Variants in MOV10L1 observed in about 807,000 individuals in gnomAD.
MOV10L1 encodes the protein Mov10 like RNA helicase 1.
Under a neutral mutation model 143.8 loss-of-function variants are expected in MOV10L1, and 110 were observed. The observed-to-expected ratio is 0.76, with a 90% CI of 0.66 to 0.90. The LOEUF is 0.90. Ranked by LOEUF, MOV10L1 falls within the 40% of genes least tolerant of loss-of-function variation. MOV10L1 has a pLI of 0.00. For synonymous variants in MOV10L1, 593 were observed against 581.1 expected (o/e 1.02, Z -0.29); for missense variants, 1,406 against 1,526.8 (o/e 0.92, Z 1.32).
intron 10 of MOV10L1, among the ~76,000 whole-genome samples, chr22:50,123,161 G>A (rs9617032): frequency 0.24 from 33,759 of 142,920 alleles, 4,168 homozygotes; most frequent in Admixed American, 0.38. Flanking sequence ...GCACCATTGC[G>A]CTCCAGCCTT....
intron 9 of MOV10L1, 96 bp from the exon 10 acceptor site, chr22:50,120,406 G>A: frequency 1.3e-6 from 1 of 766,114 alleles, no homozygotes; most frequent in Non-Finnish European, 2.2e-6. Context: ...GATGGACTTT[G>A]GTCTTCCTAA....
At chr22:50,144,877 G>C (rs759744407) in intron 18 of MOV10L1, among the ~76,000 whole-genome samples, 1 of 151,950 alleles carries the variant, frequency 6.6e-6, no homozygotes, top group Non-Finnish European at 1.5e-5. Flanking sequence ...CACCGTGCCC[G>C]GCCTGGTTTG....
intron 13 of MOV10L1, among the ~76,000 whole-genome samples, chr22:50,131,198 A>G (rs568104551): frequency 1.6e-4 from 24 of 151,830 alleles, no homozygotes; most frequent in Admixed American, 4.6e-4. Context: ...GTGGGCCACC[A>G]CACCCGGCCA....
At chr22:50,107,634 C>T (rs1016587047) in intron 3 of MOV10L1, among the ~76,000 whole-genome samples, 20 of 152,196 alleles carry the variant, frequency 1.3e-4, no homozygotes, top group African/African-American at 4.8e-4. Context: ...TGCAGTTTTC[C>T]ACCAGCTGCG....
chr22:50,140,595 T>TAA (rs2062955275), intron 15 of MOV10L1, among the ~76,000 whole-genome samples: 2 of 152,230 alleles, frequency 1.3e-5, no homozygotes, highest in Non-Finnish European at 2.9e-5. Context: ...CTTATAGTGT[T>TAA]TTAAAAAGTT....
Position 50,145,934 on chromosome 22 carries a change from T to G in MOV10L1, c.2627+124T>G, listed in dbSNP as rs922100395. 5.6e-6 allele frequency: 8 copies of G among 1,441,286 alleles called. No homozygotes were observed. In the Admixed American group the frequency reaches 1.4e-4, roughly 24 times the overall value. The allele number at this position is 1,441,286 out of a possible 1,614,324, so 89.3% of individuals were successfully genotyped here. A position where few individuals can be genotyped will look rare whatever the true frequency, so the allele number is the denominator to read the frequency against. On this transcript the variant is annotated intron_variant, in intron 19 of 26. Transcript: ENST00000262794. ...GTGCTCAGGGAGGGAGGCAGGGCTG[T>G]GGGCGAGAAAGGCTGGTTGGGGAGG...
At chr22:50,143,997 T>TGAGTCCCTGCACCC (rs2063064292) in intron 17 of MOV10L1, 100 bp from the exon 18 acceptor site, 2 of 1,463,946 alleles carry the variant, frequency 1.4e-6, no homozygotes, top group Non-Finnish European at 1.9e-6. Context: ...CCCATGCAGC[T>TGAGTCCCTGCACCC]GAGTCCCTGC....
intron 13 of MOV10L1, among the ~76,000 whole-genome samples, chr22:50,132,152 A>G (rs764056944): frequency 6.6e-6 from 1 of 152,160 alleles, no homozygotes; most frequent in Non-Finnish European, 1.5e-5. Context: ...GTAACATCAC[A>G]TTGGGGATGA....
intron 17 of MOV10L1, 153 bp downstream of exon 17, chr22:50,143,374 T>G: frequency 1.1e-6 from 1 of 900,106 alleles, no homozygotes; most frequent in Non-Finnish European, 1.8e-6. Flanking sequence ...TCTGTTTTTG[T>G]GGATATGTAG....
rs2063337017 is a variant in MOV10L1, at chr22:50,152,978, T to C, written c.2893-67T>C. 6.7e-7 allele frequency: 1 copy of C among 1,496,738 alleles called. No individual in the cohort carries two copies. 92.7% of individuals were successfully genotyped at this position (1,496,738 alleles called of 1,614,324 possible). On this transcript the variant is annotated intron_variant, in intron 21 of 26. Transcript: ENST00000262794. This position sits in a 1 kb window ranked among gnomAD's most constrained non-coding sequence, Gnocchi z 4.4. The stretch of plus-strand genomic sequence containing the variant: ...CCTCACGTTTGCTGTGCAGAGCCGC[T>C]TTTCGTTCGACAGAAACTGTGCCGG...
chr22:50,161,135 C>A, intron 26 of MOV10L1, 80 bp downstream of exon 26: 2 of 1,412,604 alleles, frequency 1.4e-6, no homozygotes, highest in Non-Finnish European at 2.0e-6. Context: ...CTCCCCTCAC[C>A]CCCATCCACT....
chr22:50,148,452 C>A (rs891414692), intron 19 of MOV10L1, among the ~76,000 whole-genome samples: 2 of 152,170 alleles, frequency 1.3e-5, no homozygotes, highest in Non-Finnish European at 2.9e-5. Flanking sequence ...CTTCTCCTGA[C>A]GACTCCTTCC....
At chr22:50,097,697 A>G (rs974187148) in intron 2 of MOV10L1, among the ~76,000 whole-genome samples, 9 of 152,136 alleles carry the variant, frequency 5.9e-5, no homozygotes, top group African/African-American at 2.2e-4. Flanking sequence ...GAAACCTTCA[A>G]TTTTGTTACT....
At chr22:50,095,061 C>T (rs1158395456) in intron 2 of MOV10L1, 3 of 152,148 alleles carry the variant, frequency 2.0e-5, no homozygotes, top group East Asian at 1.9e-4. Flanking sequence ...AAAAGTGTTT[C>T]CTCAGTTTCC....
intron 13 of MOV10L1, among the ~76,000 whole-genome samples, chr22:50,132,763 G>A (rs1487912843): frequency 1.3e-5 from 2 of 152,164 alleles, no homozygotes; most frequent in Non-Finnish European, 2.9e-5. Context: ...GGTTGGGTGT[G>A]GTGGTTCACA....
At chr22:50,137,271 C>G (rs2062845953) in intron 15 of MOV10L1, among the ~76,000 whole-genome samples, 1 of 151,858 alleles carries the variant, frequency 6.6e-6, no homozygotes, top group African/African-American at 2.4e-5. Flanking sequence ...TCCATGTGTT[C>G]AAGAAAGTAG....
Position 50,126,288 on chromosome 22 carries a change from CTT to C in MOV10L1, c.1818+17_1818+18del, listed in dbSNP as rs1569301129. 6.3e-7 allele frequency: 1 copy of C among 1,596,012 alleles called. No individual in the cohort carries two copies. Among genetic ancestry groups the C allele is most frequent in the East Asian group, 2.2e-5 (1 of 44,746 alleles). On this transcript the variant is annotated intron_variant, in intron 12 of 26. Coordinates refer to ENST00000262794, the MANE Select transcript of MOV10L1 (RefSeq NM_018995.3). The stretch of plus-strand genomic sequence containing the variant: ...CGTGACTGAGGTGAGAGCACTCTCT[CTT>C]AATGAGTTTGTGTTAGACACACCCT...
intron 2 of MOV10L1, chr22:50,094,525 G>A (rs2147005943): frequency 6.6e-6 from 1 of 151,750 alleles, no homozygotes; most frequent in Admixed American, 6.6e-5. Flanking sequence ...TCAGCCTCCA[G>A]AGTAGCTGGG....
rs1377301774 is a variant in MOV10L1, at chr22:50,116,442, G to A, written c.1260-715G>A. Reference sequence around the variant, plus strand: ...AGGCTGGGTGACAGAGCGAGACTCCGTCTCAAAAAAAAAAAAAAAGCCATA... The same window carrying A: ...AGGCTGGGTGACAGAGCGAGACTCCATCTCAAAAAAAAAAAAAAAGCCATA... On this transcript the variant is annotated intron_variant, in intron 8 of 26. Coordinates refer to ENST00000262794, the MANE Select transcript of MOV10L1 (RefSeq NM_018995.3). Among the ~76,000 whole-genome samples the A allele has an allele frequency of 9.1e-5, 12 of 131,416 alleles. No homozygotes were observed. The Middle Eastern group carries it at 0.016, about 177-fold the overall frequency. 86.2% of individuals were successfully genotyped at this position (131,416 alleles called of 152,430 possible). A position where few individuals can be genotyped will look rare whatever the true frequency, so the allele number is the denominator to read the frequency against.
Sources: gnomAD v4.1 joint callset for allele counts (sites outside exome capture counted in the v4.1 genomes callset) on GRCh38, gnomAD v4.1.1 for gene constraint, Gnocchi (gnomAD v3.1) non-coding constraint, MANE v1.5 for transcripts, NCBI Gene and HGNC (gene_info 2026-07-23, HGNC 2026-07-21) for gene names.